RAPGEF5: variants seen among roughly 807,000 people sequenced by gnomAD.
The protein encoded by RAPGEF5 is Rap guanine nucleotide exchange factor 5, also known as M-Ras-regulated GEF.
RAPGEF5 carries 65 observed loss-of-function variants against 125.2 expected under a neutral mutation model. That is an observed-to-expected ratio of 0.52 (90% CI 0.43 to 0.64). The LOEUF (loss-of-function observed/expected upper bound fraction) is 0.64, where lower values mean the gene tolerates loss of function less well. Ranked by LOEUF, RAPGEF5 falls within the 30% of genes least tolerant of loss-of-function variation. The pLI is 0.00. For missense variants in RAPGEF5, 958 were observed against 1,048.1 expected (o/e 0.91, Z 1.19); for synonymous variants, 391 against 385.9 (o/e 1.01, Z -0.16).
At position 22,161,069 on chromosome 7, in the gene RAPGEF5, G is replaced by A. The variant is rs1036179115; in HGVS notation, c.1429-454C>T. Among the ~76,000 whole-genome samples, 17 of 150,194 alleles carry A rather than the reference G, an allele frequency of 1.1e-4. No homozygotes were observed. The South Asian group carries it at 2.5e-3, about 22-fold the overall frequency. On this transcript the variant is annotated intron_variant, in intron 13 of 25. Transcript: ENST00000665637. ...AAAAAAAAAAAAAAATTAGCCATGC[G>A]TGGTAGCGGGCGCCTGTAATCCCCA...
At chr7:22,184,816 T>C (rs540410895) in intron 11 of RAPGEF5, among the ~76,000 whole-genome samples, 215 of 152,298 alleles carry the variant, frequency 1.4e-3, no homozygotes, top group African/African-American at 5.0e-3. Context: ...TGAGAATAGA[T>C]TAACCCAGAA....
chr7:22,355,281 C>T (rs1313041891), intron 1 of RAPGEF5, among the ~76,000 whole-genome samples: 1 of 152,174 alleles, frequency 6.6e-6, no homozygotes, highest in African/African-American at 2.4e-5. Context: ...CCCTCCCAGG[C>T]AGCAAGAAAC....
chr7:22,355,652 T>C (rs564371478), intron 1 of RAPGEF5, among the ~76,000 whole-genome samples: 110 of 152,262 alleles, frequency 7.2e-4, no homozygotes, highest in African/African-American at 2.6e-3. Context: ...TCTTCTGAGA[T>C]GGACCTGGGA....
intron 9 of RAPGEF5, among the ~76,000 whole-genome samples, chr7:22,207,904 G>T (rs924258992): frequency 3.3e-5 from 5 of 152,156 alleles, no homozygotes; most frequent in Non-Finnish European, 7.3e-5. Context: ...TAAAAAAGAT[G>T]ATGCTTAATT....
intron 9 of RAPGEF5, among the ~76,000 whole-genome samples, chr7:22,195,956 G>T (rs972685338): frequency 2.0e-5 from 3 of 152,060 alleles, no homozygotes; most frequent in African/African-American, 7.2e-5. Flanking sequence ...ACTTCCACAG[G>T]CCATGCACAT....
intron 1 of RAPGEF5, among the ~76,000 whole-genome samples, chr7:22,328,457 T>G (rs113454408): frequency 0.033 from 5,011 of 152,282 alleles, 121 homozygotes; most frequent in Non-Finnish European, 0.049. Context: ...CTTCTGCCAG[T>G]GTAACAACCT....
chr7:22,327,619 A>C (rs1360372692), intron 1 of RAPGEF5, among the ~76,000 whole-genome samples: 1 of 152,210 alleles, frequency 6.6e-6, no homozygotes, highest in Non-Finnish European at 1.5e-5. Context: ...CCTTGCTTGG[A>C]TTCAAAGCTC....
chr7:22,328,078 G>A (rs1456048242), intron 1 of RAPGEF5, among the ~76,000 whole-genome samples: 1 of 152,176 alleles, frequency 6.6e-6, no homozygotes, highest in Non-Finnish European at 1.5e-5. Flanking sequence ...AGCTTTTCAA[G>A]GGACAGGATT....
At position 22,227,618 on chromosome 7, in the gene RAPGEF5, C is replaced by A. The variant is rs148208280; in HGVS notation, c.870+3228G>T. Among the ~76,000 whole-genome samples the A allele has an allele frequency of 7.8e-3, 1,180 of 152,136 alleles. 17 individuals are homozygous for A. The highest frequency in any genetic ancestry group is 8.3e-3 in the Non-Finnish European group (562 of 67,988). On this transcript the variant is annotated intron_variant, in intron 8 of 25. Transcript: ENST00000665637. The stretch of plus-strand genomic sequence containing the variant: ...ACCTGGGGAGGCTGAGGTGGGCAGA[C>A]TGCTTGAGCCCAGGAGTCAGAGGTC...
intron 6 of RAPGEF5, among the ~76,000 whole-genome samples, chr7:22,285,358 G>A (rs1015984882): frequency 1.3e-5 from 2 of 152,044 alleles, no homozygotes; most frequent in Non-Finnish European, 2.9e-5. Flanking sequence ...TTCATTCAAC[G>A]AAGATTACCC....
chr7:22,329,265 CAA>C lies in RAPGEF5; in HGVS notation c.232-11230_232-11229del, dbSNP rs566848750. Reference sequence around the variant, plus strand: ...AGTAAATCACAACCCTAATTTTTTTCAAAGAGGCCCCTTTTAAAAGTATGTTT... The same window carrying C: ...AGTAAATCACAACCCTAATTTTTTTCAGAGGCCCCTTTTAAAAGTATGTTT... On this transcript the variant is annotated intron_variant, in intron 1 of 25. Transcript: ENST00000665637. Among the ~76,000 whole-genome samples the C allele has an allele frequency of 4.1e-3, 620 of 152,140 alleles. 4 individuals carry two copies. The highest frequency in any genetic ancestry group is 0.014 in the African/African-American group (588 of 41,538).
intron 15 of RAPGEF5, 72 bp from the exon 16 acceptor site, chr7:22,156,960 T>C (rs41273951): frequency 0.024 from 37,160 of 1,580,016 alleles, 550 homozygotes; most frequent in Middle Eastern, 0.058. Context: ...CTGTTTACAA[T>C]ATGTTCCAAA....
intron 14 of RAPGEF5, 117 bp from the exon 15 acceptor site, chr7:22,158,002 T>A: frequency 1.1e-6 from 1 of 884,550 alleles, no homozygotes; most frequent in Non-Finnish European, 1.8e-6. Flanking sequence ...TTAAAAAAAA[T>A]AAAACACAGT....
chr7:22,203,118 A>G (rs1346066362), intron 9 of RAPGEF5, among the ~76,000 whole-genome samples: 1 of 152,212 alleles, frequency 6.6e-6, no homozygotes, highest in East Asian at 1.9e-4. Context: ...ACCGCTGCCT[A>G]TGGTGCTGTA....
At chr7:22,140,924 A>G (rs899414629) in intron 20 of RAPGEF5, among the ~76,000 whole-genome samples, 1 of 152,208 alleles carries the variant, frequency 6.6e-6, no homozygotes, top group African/African-American at 2.4e-5. Flanking sequence ...TAATAAAAAA[A>G]AATTACCCTC....
chr7:22,247,027 G>C (rs139062200), intron 7 of RAPGEF5, among the ~76,000 whole-genome samples: 4 of 152,298 alleles, frequency 2.6e-5, no homozygotes, highest in African/African-American at 9.6e-5. Context: ...ACTCCAATGA[G>C]TTATCATCTG....
intron 18 of RAPGEF5, among the ~76,000 whole-genome samples, chr7:22,147,328 T>C (rs1420136589): frequency 6.6e-6 from 1 of 152,164 alleles, no homozygotes; most frequent in African/African-American, 2.4e-5. Context: ...GCAGACAGCA[T>C]AATGAAAGTG....
At chr7:22,170,562 T>A (rs754576294) in intron 11 of RAPGEF5, among the ~76,000 whole-genome samples, 19 of 152,192 alleles carry the variant, frequency 1.2e-4, no homozygotes, top group Non-Finnish European at 1.8e-4. Flanking sequence ...AAGATTTACT[T>A]CATTAGTAGC....
intron 6 of RAPGEF5, among the ~76,000 whole-genome samples, chr7:22,267,866 GT>G (rs554220293): frequency 1.6e-4 from 23 of 146,820 alleles, no homozygotes; most frequent in South Asian, 4.3e-4. Flanking sequence ...GTGATGATGG[GT>G]TTTTTTTTTT....
Sources: gnomAD v4.1 joint callset for allele counts (sites outside exome capture counted in the v4.1 genomes callset) on GRCh38, gnomAD v4.1.1 for gene constraint, MANE v1.5 for transcripts, NCBI Gene and HGNC (gene_info 2026-07-23, HGNC 2026-07-21) for gene names.